Variants in KIAA0586 observed in about 807,000 individuals in gnomAD.
KIAA0586 encodes KIAA0586.
Under a neutral mutation model 169.8 loss-of-function variants are expected in KIAA0586, and 144 were observed. That is an observed-to-expected ratio of 0.85 (90% confidence interval 0.74 to 0.97). The LOEUF (loss-of-function observed/expected upper bound fraction) is 0.97, where lower values mean the gene tolerates loss of function less well. Ranked by LOEUF, KIAA0586 falls within the 50% of genes least tolerant of loss-of-function variation. KIAA0586 has a pLI of 0.00. For synonymous variants in KIAA0586, 625 were observed against 612.4 expected, an observed-to-expected ratio of 1.02 and a Z score of -0.30; for missense variants, 1,854 against 1,823.0, an observed-to-expected ratio of 1.02 and a Z score of -0.31.
chr14:58,456,044 A>G (rs2039816009), intron 9 of KIAA0586, among the ~76,000 whole-genome samples: 2 of 152,216 alleles, frequency 1.3e-5, no homozygotes, highest in East Asian at 3.9e-4. Context: ...GTTTTTTGAA[A>G]AATGCCCTGG....
intron 30 of KIAA0586, among the ~76,000 whole-genome samples, chr14:58,540,581 AGGTGTC>A (rs1418275477): frequency 6.6e-6 from 1 of 152,208 alleles, no homozygotes; most frequent in Non-Finnish European, 1.5e-5. Context: ...TTGTTTTTAC[AGGTGTC>A]GGAACATTTA....
intron 6 of KIAA0586, among the ~76,000 whole-genome samples, chr14:58,447,414 ATTAG>A (rs1208858034): frequency 6.6e-6 from 1 of 151,824 alleles, no homozygotes; most frequent in Non-Finnish European, 1.5e-5. Context: ...AACCAGTTTT[ATTAG>A]TTAAGATACT....
At chr14:58,515,070 A>G (rs2044654793) in intron 29 of KIAA0586, among the ~76,000 whole-genome samples, 1 of 152,070 alleles carries the variant, frequency 6.6e-6, no homozygotes, top group Non-Finnish European at 1.5e-5. Flanking sequence ...TAAGACCATC[A>G]TAATAAATTA....
rs747213685 is a variant in KIAA0586 at position 58,487,122 on chromosome 14, A to G, written c.3260A>G (p.Asp1087Gly). Residue 1087 changes from aspartate to glycine, a missense_variant, in exon 22 of 31, where the codon GAT becomes GGT. Asp to Gly is a moderately conservative substitution (Grantham distance 94). Coordinates refer to ENST00000652326, the MANE Select transcript of KIAA0586 (RefSeq NM_001329943.3). ...KTPDSSPCDS[D>G]HDMAFPVKEI... ...CCAGATTCTTCTCCCTGTGATTCGGATCATGATATGGCTTTTCCTGTGAAA... is the reference window on the plus strand; with the variant it reads ...CCAGATTCTTCTCCCTGTGATTCGGGTCATGATATGGCTTTTCCTGTGAAA... The G allele has an allele frequency of 1.9e-6, 3 of 1,613,660 alleles. No individual in the cohort carries two copies. Among genetic ancestry groups the G allele is most frequent in the Non-Finnish European group, 2.5e-6 (3 of 1,179,720 alleles).
intron 29 of KIAA0586, among the ~76,000 whole-genome samples, chr14:58,516,278 A>G (rs1478640407): frequency 2.0e-5 from 3 of 152,178 alleles, no homozygotes; most frequent in Non-Finnish European, 4.4e-5. Context: ...TGTCACTGCC[A>G]GAAAGACAGG....
At chr14:58,552,872 TA>T (rs1361336938), downstream of KIAA0586, among the ~76,000 whole-genome samples, 2 of 152,242 alleles carry the variant, frequency 1.3e-5, no homozygotes, top group African/African-American at 4.8e-5. Context: ...ATTATGAAGA[TA>T]AACTATTTGA....
intron 19 of KIAA0586, among the ~76,000 whole-genome samples, chr14:58,476,898 A>G (rs748562894): frequency 1.3e-5 from 2 of 152,118 alleles, no homozygotes; most frequent in African/African-American, 2.4e-5. Flanking sequence ...AGCTCAAGCA[A>G]TCTGCCCAAC....
intron 29 of KIAA0586, among the ~76,000 whole-genome samples, chr14:58,516,888 T>C (rs2044801200): frequency 6.6e-6 from 1 of 152,116 alleles, no homozygotes; most frequent in Admixed American, 6.5e-5. Context: ...GACGATTCCA[T>C]GGAGAAAGGA....
rs36123151 is a variant in KIAA0586 at position 58,512,316 on chromosome 14, GT to G, written c.4324-197del. Among the ~76,000 whole-genome samples, 2,193 of 150,412 alleles carry G rather than the reference GT, an allele frequency of 0.015. 49 individuals are homozygous for G. The highest frequency in any genetic ancestry group is 0.051 in the African/African-American group (2,080 of 41,064). On this transcript the variant is annotated intron_variant, in intron 28 of 30. Transcript: ENST00000652326. The stretch of plus-strand genomic sequence containing the variant: ...ATATATGATCCAAATCTTTTTAAAG[GT>G]TTTTTTTTGCAACGTCTTTTCTTTT...
intron 14 of KIAA0586, among the ~76,000 whole-genome samples, chr14:58,461,629 G>T (rs1382534404): frequency 6.6e-6 from 1 of 151,954 alleles, no homozygotes; most frequent in Non-Finnish European, 1.5e-5. Flanking sequence ...TAGAGACAGG[G>T]TTTCACCACA....
At chr14:58,515,564 CA>C (rs2044692573) in intron 29 of KIAA0586, among the ~76,000 whole-genome samples, 1 of 152,060 alleles carries the variant, frequency 6.6e-6, no homozygotes, top group Non-Finnish European at 1.5e-5. Flanking sequence ...CAATAGCTAT[CA>C]GAACTACAAT....
At chr14:58,441,190 C>CTTTTT in intron 4 of KIAA0586, 2 of 157,688 alleles carry the variant, frequency 1.3e-5, no homozygotes, top group East Asian at 1.6e-4. Flanking sequence ...TCTTACAATT[C>CTTTTT]TTTTTTTTTT....
chr14:58,508,479 T>C, intron 27 of KIAA0586, 76 bp from the exon 28 acceptor site: 1 of 1,160,008 alleles, frequency 8.6e-7, no homozygotes, highest in South Asian at 1.5e-5. Context: ...TTGGTGGTTT[T>C]AGTCAACTAC....
rs2042637810 is a variant in KIAA0586 at position 58,488,730 on chromosome 14, C to G, written c.3637C>G (p.Pro1213Ala). 4 of 1,613,826 alleles carry G rather than the reference C, an allele frequency of 2.5e-6. No homozygotes were observed. The highest frequency in any genetic ancestry group is 3.4e-6 in the Non-Finnish European group (4 of 1,179,844). The part of the protein sequence containing the change: ...FMPFPAGTKA[P>A]SPSQMPGSDS... ...GCCATTTCCTGCCGGCACCAAGGCC[C>G]CTTCCCCCTCACAGATGCCAGGTTC... The change falls in exon 24 of 31, where the codon CCT (proline) becomes GCT (alanine). Residue 1213 changes from proline (P) to alanine (A), a missense_variant. Pro to Ala is a conservative substitution (Grantham distance 27). Coordinates refer to ENST00000652326, the MANE Select transcript of KIAA0586 (RefSeq NM_001329943.3).
At position 58,461,041 on chromosome 14, in the gene KIAA0586, A is replaced by G. The variant is rs1221687105; in HGVS notation, c.1940A>G (p.Tyr647Cys). The change falls in exon 14 of 31, where the codon TAT (tyrosine) becomes TGT (cysteine). Residue 647 changes from tyrosine (Y) to cysteine (C), a missense_variant. Physicochemically the swap from Tyr to Cys is radical, Grantham distance 194. Transcript: ENST00000652326. ...IQDEDYMLQV[Y>C]GKPVYQGHRS... is the part of the protein sequence containing the mutation. ...GATGAAGATTATATGTTACAAGTCT[A>G]TGGAAAGCCAGTTTATCAGGGCCAT... The G allele has an allele frequency of 2.0e-5, 32 of 1,612,570 alleles. No homozygotes were observed. Among genetic ancestry groups the G allele is most frequent in the Non-Finnish European group, 2.5e-5 (30 of 1,179,364 alleles).
intron 7 of KIAA0586, among the ~76,000 whole-genome samples, chr14:58,449,748 C>T (rs1241176471): frequency 3.9e-5 from 6 of 152,218 alleles, no homozygotes; most frequent in East Asian, 1.9e-4. Flanking sequence ...TTTTTCATAA[C>T]TCAATTCCAG....
downstream of KIAA0586, among the ~76,000 whole-genome samples, chr14:58,555,097 TTC>T (rs1300626626): frequency 5.4e-4 from 69 of 126,860 alleles, no homozygotes; most frequent in African/African-American, 1.8e-3. Flanking sequence ...TTTTCTTTCT[TTC>T]TTTTTTTTTT....
intron 21 of KIAA0586, among the ~76,000 whole-genome samples, chr14:58,484,896 A>ATATATATTTATATATATTTTTT (rs1397867264): frequency 9.8e-4 from 5 of 5,084 alleles, no homozygotes; most frequent in African/African-American, 1.2e-3. Context: ...ATATTTATAT[A>ATATATATTTATATATATTTTTT]TATATATATA....
At chr14:58,541,248 T>G (rs1015026682) in intron 30 of KIAA0586, among the ~76,000 whole-genome samples, 1 of 152,230 alleles carries the variant, frequency 6.6e-6, no homozygotes, top group African/African-American at 2.4e-5. Flanking sequence ...AGCATCATGC[T>G]GAGGCTTTGT....
Sources: gnomAD v4.1 joint callset for allele counts (sites outside exome capture counted in the v4.1 genomes callset) on GRCh38, gnomAD v4.1.1 for gene constraint, MANE v1.5 for transcripts, NCBI Gene and HGNC (gene_info 2026-07-23, HGNC 2026-07-21) for gene names.